SLC16A7: variants seen among roughly 807,000 people sequenced by gnomAD.
SLC16A7 encodes monocarboxylate transporter 2.
In SLC16A7, 33 loss-of-function variants were observed where a neutral mutation model predicts 34.9. The ratio of observed to expected loss-of-function variants is 0.94; its 90% CI spans 0.72 to 1.26. SLC16A7 has a LOEUF of 1.26. SLC16A7 is among the 50% of genes most tolerant of loss of function. The pLI, the probability that SLC16A7 is intolerant of heterozygous loss-of-function variation, is 0.00. For missense variants in SLC16A7, 573 were observed against 578.1 expected, an observed-to-expected ratio of 0.99 and a Z score of 0.09; for synonymous variants, 201 against 206.6, an observed-to-expected ratio of 0.97 and a Z score of 0.23.
intron 2 of SLC16A7, among the ~76,000 whole-genome samples, chr12:59,658,940 A>G (rs1405649424): frequency 6.6e-6 from 1 of 152,104 alleles, no homozygotes. Flanking sequence ...AATATGGTTA[A>G]AATGAGTATA....
At chr12:59,735,637 T>C (rs989734618) in intron 3 of SLC16A7, among the ~76,000 whole-genome samples, 7 of 152,156 alleles carry the variant, frequency 4.6e-5, no homozygotes, top group African/African-American at 1.4e-4. Context: ...TAACAATATA[T>C]CATGCACTTC....
chr12:59,724,141 G>T (rs563921301), intron 3 of SLC16A7, among the ~76,000 whole-genome samples: 29 of 152,164 alleles, frequency 1.9e-4, no homozygotes, highest in Middle Eastern at 3.4e-3. Flanking sequence ...AAGCCTGAAG[G>T]CTGTGCAAGT....
rs967788351 is a variant in SLC16A7, at chr12:59,655,158, A to G, written c.-123A>G. ...TATTCTTTGATTCTTCTAGGAGTCA[A>G]TCTTAAGATGTGATACTTTCCTGTG... is the stretch of plus-strand genomic sequence containing the variant. On this transcript the variant is annotated 5_prime_UTR_variant, in exon 2 of 6. Coordinates refer to ENST00000547379, the MANE Select transcript of SLC16A7 (RefSeq NM_001270623.2). 1.1e-4 allele frequency: 16 copies of G among 151,874 alleles called. No individual in the cohort carries two copies. The highest frequency in any genetic ancestry group is 2.4e-4 in the African/African-American group (10 of 41,400). The allele number at this position is 151,874 out of a possible 1,614,324, so 9.4% of individuals were successfully genotyped here.
At chr12:59,679,283 A>G (rs1014144933) in intron 2 of SLC16A7, among the ~76,000 whole-genome samples, 2 of 152,166 alleles carry the variant, frequency 1.3e-5, no homozygotes, top group African/African-American at 4.8e-5. Flanking sequence ...TTGCCAAGTC[A>G]GAAGGGAGTG....
Position 59,672,632 on chromosome 12 carries a change from T to C in SLC16A7, c.-31+17382T>C, listed in dbSNP as rs530018446. Reference sequence around the variant, plus strand: ...TCATCATTTAGGTTAGATATTTAATTTGTTTTTTGCTTTTCAGATGTTTCT... The same window carrying C: ...TCATCATTTAGGTTAGATATTTAATCTGTTTTTTGCTTTTCAGATGTTTCT... On this transcript the variant is annotated intron_variant, in intron 2 of 5. Coordinates refer to ENST00000547379, the MANE Select transcript of SLC16A7 (RefSeq NM_001270623.2). Among the ~76,000 whole-genome samples, 168 of 152,248 alleles carry C rather than the reference T, an allele frequency of 1.1e-3. 6 individuals are homozygous for C. The South Asian group carries it at 0.013, about 12-fold the overall frequency.
chr12:59,762,677 G>A (rs1326399432), intron 3 of SLC16A7, among the ~76,000 whole-genome samples: 1 of 151,920 alleles, frequency 6.6e-6, no homozygotes. Context: ...GTTAAGTACA[G>A]CATGACTGTA....
chr12:59,757,693 C>G (rs1234716605), intron 3 of SLC16A7, among the ~76,000 whole-genome samples: 1 of 152,158 alleles, frequency 6.6e-6, no homozygotes, highest in African/African-American at 2.4e-5. Context: ...TCCTCCACCT[C>G]TTCCATCTCT....
At chr12:59,736,268 G>T (rs149874093) in intron 3 of SLC16A7, among the ~76,000 whole-genome samples, 9 of 151,876 alleles carry the variant, frequency 5.9e-5, no homozygotes, top group African/African-American at 2.2e-4. Context: ...CTAGAGAGTG[G>T]GTGTTAAATC....
chr12:59,759,939 A>T (rs559929376), intron 3 of SLC16A7, among the ~76,000 whole-genome samples: 5 of 126,542 alleles, frequency 4.0e-5, no homozygotes, highest in African/African-American at 1.5e-4. Context: ...GTGTAGATCA[A>T]AAATAGATGG....
At chr12:59,714,582 T>A (rs1407836325) in intron 3 of SLC16A7, among the ~76,000 whole-genome samples, 2 of 151,972 alleles carry the variant, frequency 1.3e-5, no homozygotes, top group African/African-American at 2.4e-5. Flanking sequence ...TTTTTCCTTT[T>A]GAGATGGAGT....
chr12:59,747,015 A>G (rs1369687989), intron 3 of SLC16A7, among the ~76,000 whole-genome samples: 1 of 152,076 alleles, frequency 6.6e-6, no homozygotes. Flanking sequence ...TTATTTTAGT[A>G]GTGACAGTGT....
chr12:59,634,502 G>C (rs1880328030), intron 1 of SLC16A7, among the ~76,000 whole-genome samples: 1 of 151,960 alleles, frequency 6.6e-6, no homozygotes, highest in South Asian at 2.1e-4. Context: ...AAATTACTAA[G>C]AGGAAACTTT....
chr12:59,750,013 T>C (rs1287824680), intron 3 of SLC16A7, among the ~76,000 whole-genome samples: 1 of 152,164 alleles, frequency 6.6e-6, no homozygotes, highest in Non-Finnish European at 1.5e-5. Flanking sequence ...GCAAGCCATA[T>C]ACAGAAAACT....
intron 2 of SLC16A7, among the ~76,000 whole-genome samples, chr12:59,659,670 CA>C (rs1467061140): frequency 6.6e-6 from 1 of 152,014 alleles, no homozygotes; most frequent in Non-Finnish European, 1.5e-5. Flanking sequence ...GGTATATGGT[CA>C]AATGGGGTTT....
At position 59,786,961 on chromosome 12, in the gene SLC16A7, T is replaced by C. The variant is rs1270751969; in HGVS notation, c.*7282T>C. 6.6e-6 allele frequency: 1 copy of C among 152,190 alleles called. No individual in the cohort carries two copies. Among genetic ancestry groups the C allele is most frequent in the Non-Finnish European group, 1.5e-5 (1 of 68,004 alleles). The allele number at this position is 152,190 out of a possible 1,614,324, so 9.4% of individuals were successfully genotyped here. A position where few individuals can be genotyped will look rare whatever the true frequency, so the allele number is the denominator to read the frequency against. On this transcript the variant is annotated 3_prime_UTR_variant, in exon 6 of 6. Coordinates refer to ENST00000547379, the MANE Select transcript of SLC16A7 (RefSeq NM_001270623.2). ...GTTTGCAAAATCATGTTTGCAAACT[T>C]ACTTTGAAGACTATTTCCTGATTGC...
intron 1 of SLC16A7, among the ~76,000 whole-genome samples, chr12:59,603,701 A>G (rs1005067506): frequency 2.0e-5 from 3 of 152,178 alleles, no homozygotes; most frequent in Non-Finnish European, 4.4e-5. Context: ...TTAATATACT[A>G]TAAAGTTGTA....
At chr12:59,670,758 C>G (rs1402809271) in intron 2 of SLC16A7, among the ~76,000 whole-genome samples, 1 of 152,160 alleles carries the variant, frequency 6.6e-6, no homozygotes, top group Non-Finnish European at 1.5e-5. Flanking sequence ...GGGACAAATT[C>G]CATTAGGTTG....
chr12:59,613,690 A>G (rs2136970592), intron 1 of SLC16A7, among the ~76,000 whole-genome samples: 1 of 152,318 alleles, frequency 6.6e-6, no homozygotes, highest in Middle Eastern at 3.4e-3. Context: ...GGTATTTTAT[A>G]GGAGAGAGAT....
chr12:59,601,520 C>T (rs1163661049), intron 1 of SLC16A7, among the ~76,000 whole-genome samples: 1 of 152,136 alleles, frequency 6.6e-6, no homozygotes, highest in Admixed American at 6.5e-5. Context: ...TATTTTTCAA[C>T]AGGTGGGATT....
Sources: gnomAD v4.1 joint callset for allele counts (sites outside exome capture counted in the v4.1 genomes callset) on GRCh38, gnomAD v4.1.1 for gene constraint, MANE v1.5 for transcripts, NCBI Gene and HGNC (gene_info 2026-07-23, HGNC 2026-07-21) for gene names.